PTRH1: variants seen among roughly 807,000 people sequenced by gnomAD.
The protein encoded by PTRH1 is peptidyl-tRNA hydrolase.
Under a neutral mutation model 15.7 loss-of-function variants are expected in PTRH1, and 13 were observed. The observed-to-expected ratio is 0.83, with a 90% CI of 0.54 to 1.31. PTRH1 has a LOEUF of 1.31. PTRH1 is among the 40% of genes most tolerant of loss of function. The pLI is 0.00. For missense variants in PTRH1, 319 were observed against 296.2 expected, an observed-to-expected ratio of 1.08 and a Z score of -0.56; for synonymous variants, 139 against 136.7, an observed-to-expected ratio of 1.02 and a Z score of -0.12.
At chr9:127,709,424 A>G, downstream of PTRH1, 1 of 1,612,912 alleles carries the variant, frequency 6.2e-7, no homozygotes. The surrounding 1 kb of genome is among the most constrained non-coding windows in gnomAD (Gnocchi z 4.7). Flanking sequence ...TGCCCCAGGT[A>G]CCAGCGGAAG....
chr9:127,709,566 C>A, downstream of PTRH1: 3 of 1,614,102 alleles, frequency 1.9e-6, no homozygotes, highest in Non-Finnish European at 2.5e-6. This position sits in a 1 kb window ranked among gnomAD's most constrained non-coding sequence, Gnocchi z 4.7. Context: ...CAGACCTCAA[C>A]GAGCAGCTCC....
At chr9:127,713,085 A>G (rs762756206), downstream of PTRH1, 6 of 1,613,576 alleles carry the variant, frequency 3.7e-6, no homozygotes, top group Non-Finnish European at 5.1e-6. Flanking sequence ...ATCACCCCCT[A>G]CCAGCCGGGG....
At chr9:127,710,391 T>A (rs1842737556), downstream of PTRH1, among the ~76,000 whole-genome samples, 1 of 151,856 alleles carries the variant, frequency 6.6e-6, no homozygotes, top group South Asian at 2.1e-4. Context: ...TTCATAAGAT[T>A]CATGGAGGGG....
rs1842911311 is a variant in PTRH1, at chr9:127,714,997, G to T, written c.294C>A (p.Asn98Lys). The change falls in exon 2 of 5, where the codon AAC becomes AAA. Residue 98 changes from asparagine (N) to lysine (K), a missense_variant. Asn to Lys is a moderately conservative substitution (Grantham distance 94, BLOSUM62 0). Transcript: ENST00000543175. The part of the protein sequence containing the change: ...LLRPRRLMNA[N>K]GRSVARAAEL... ...CACCAGCCCGGGCCACGCTGCGCCC[G>T]TTGGCGTTCATAAGCCGCCGTGGCC... The T allele has an allele frequency of 8.4e-7, 1 of 1,185,466 alleles. No homozygotes were observed. 73.4% of individuals were successfully genotyped at this position (1,185,466 alleles called of 1,614,324 possible). A position where few individuals can be genotyped will look rare whatever the true frequency, so the allele number is the denominator to read the frequency against.
chr9:127,711,116 G>C, downstream of PTRH1: 1 of 1,342,988 alleles, frequency 7.4e-7, no homozygotes, highest in South Asian at 1.5e-5. Flanking sequence ...CTCCCAGGGA[G>C]AGAGCATGCT....
Position 127,715,103 on chromosome 9 carries a change from GCC to G in PTRH1, c.186_187del (p.Ala63GlyfsTer58). ...GTGCCGGTCGCGCGTCCAACTCTCC[GCC>G]ACACCCAGCCGCCGCGCCAGCTGCC... On this transcript the variant is annotated frameshift_variant, in exon 2 of 5. Transcript: ENST00000543175. LOFTEE classifies it high-confidence loss of function. The surrounding 1 kb of genome is among the most constrained non-coding windows in gnomAD (Gnocchi z 5.8). The G allele has an allele frequency of 6.5e-7, 1 of 1,533,458 alleles. No individual in the cohort carries two copies. The highest frequency in any genetic ancestry group is 8.7e-7 in the Non-Finnish European group (1 of 1,145,784). The allele number at this position is 1,533,458 out of a possible 1,614,324, so 95.0% of individuals were successfully genotyped here.
At chr9:127,709,190 A>G (rs1230150689), downstream of PTRH1, among the ~76,000 whole-genome samples, 1 of 152,248 alleles carries the variant, frequency 6.6e-6, no homozygotes, top group East Asian at 1.9e-4. The surrounding 1 kb of genome is among the most constrained non-coding windows in gnomAD (Gnocchi z 4.7). Flanking sequence ...CCCTGCCCTC[A>G]TGGAGTTTAC....
At chr9:127,711,318 G>A (rs376647619), downstream of PTRH1, 69 of 1,614,068 alleles carry the variant, frequency 4.3e-5, 1 homozygote, top group Middle Eastern at 8.2e-4. Flanking sequence ...ACAACCAAGC[G>A]GGCCATCAAA....
rs1467195843 is a variant in PTRH1, at chr9:127,705,012, T to G, written c.206-9871A>C. Among the ~76,000 whole-genome samples the G allele has an allele frequency of 6.6e-6, 1 of 152,002 alleles. No individual in the cohort carries two copies. Among genetic ancestry groups the G allele is most frequent in the African/African-American group, 2.4e-5 (1 of 41,376 alleles). On this transcript the variant is annotated intron_variant, in intron 1 of 2. Coordinates refer to the PTRH1 transcript ENST00000335223. This position sits in a 1 kb window ranked among gnomAD's most constrained non-coding sequence, Gnocchi z 4.7. The stretch of plus-strand genomic sequence containing the variant: ...ATCCTCCCACCTTGGCCTCTCAAAG[T>G]GCTGGGATTATAGGCATGAACCAGT...
downstream of PTRH1, chr9:127,711,991 T>C: frequency 6.3e-7 from 1 of 1,578,292 alleles, no homozygotes; most frequent in Non-Finnish European, 8.6e-7. Flanking sequence ...GGGTGCAGGC[T>C]GGGGCCAAGC....
rs57076743 is a variant in PTRH1 at position 127,695,053 on chromosome 9, TTGATGA to T, written c.288_293del (p.His96_His97del). 2.3e-3 allele frequency: 1,563 copies of T among 671,734 alleles called. 15 individuals carry two copies. The highest frequency in any genetic ancestry group is 0.02 in the African/African-American group (1,091 of 54,878). The allele number at this position is 671,734 out of a possible 1,614,324, so 41.6% of individuals were successfully genotyped here. A position where few individuals can be genotyped will look rare whatever the true frequency, so the allele number is the denominator to read the frequency against. On this transcript the variant is annotated inframe_deletion, in exon 2 of 3. Transcript: ENST00000335223. ...AGGAAGCACAGTGAGGGCTCAGCCATTGATGATGATGATGATGATGATGATGATGAT... is the reference window on the plus strand; with the variant it reads ...AGGAAGCACAGTGAGGGCTCAGCCATTGATGATGATGATGATGATGATGAT...
chr9:127,703,140 T>C (rs1365298700), intron 1 of PTRH1, among the ~76,000 whole-genome samples: 1 of 151,906 alleles, frequency 6.6e-6, no homozygotes, highest in Non-Finnish European at 1.5e-5. Context: ...TATTGCCCAA[T>C]TCTAGAATAA....
rs1842561099 is a variant in PTRH1, at chr9:127,696,511, G to A, written c.206-1370C>T. ...GGCTAGGGCCCTCCAGTTAGTACGT[G>A]GCAGAGACTAGATTTAAACACAGCC... is the stretch of plus-strand genomic sequence containing the variant. On this transcript the variant is annotated intron_variant, in intron 1 of 2. Coordinates refer to the PTRH1 transcript ENST00000335223. Among the ~76,000 whole-genome samples the A allele has an allele frequency of 3.3e-5, 5 of 152,112 alleles. No individual in the cohort carries two copies. The South Asian group carries it at 1.0e-3, about 32-fold the overall frequency.
intron 1 of PTRH1, chr9:127,707,158 A>G: frequency 6.2e-7 from 1 of 1,613,476 alleles, no homozygotes; most frequent in Non-Finnish European, 8.5e-7. Context: ...GTTCTACCAC[A>G]TCCAGATCCG....
Position 127,715,616 on chromosome 9 carries a change from G to A in PTRH1, c.24C>T (p.Gly8=), listed in dbSNP as rs780239843. The A allele has an allele frequency of 2.5e-6, 4 of 1,612,524 alleles. No homozygotes were observed. Among genetic ancestry groups the A allele is most frequent in the African/African-American group, 2.7e-5 (2 of 74,932 alleles). ...TGGCTCTACTCAGCCGCTGTCCGGCGCCCAAAAAGCCGCCCGGCCTCATGC... is the reference window on the plus strand; with the variant it reads ...TGGCTCTACTCAGCCGCTGTCCGGCACCCAAAAAGCCGCCCGGCCTCATGC... MRPGGFL[G]AGQRLSRAMS... is the part of the protein sequence containing the mutation. Residue 8 remains glycine, a synonymous_variant, in exon 1 of 5, where the codon GGC becomes GGT. Coordinates refer to ENST00000543175, the MANE Select transcript of PTRH1 (RefSeq NM_001002913.3). This position sits in a 1 kb window ranked among gnomAD's most constrained non-coding sequence, Gnocchi z 5.8.
At chr9:127,702,179 C>T (rs1269502775) in intron 1 of PTRH1, among the ~76,000 whole-genome samples, 1 of 152,074 alleles carries the variant, frequency 6.6e-6, no homozygotes, top group Non-Finnish European at 1.5e-5. Flanking sequence ...CAAGACCATC[C>T]TGGCTAACAC....
intron 1 of PTRH1, among the ~76,000 whole-genome samples, chr9:127,706,747 A>G (rs927463138): frequency 3.9e-5 from 6 of 152,196 alleles, no homozygotes; most frequent in Non-Finnish European, 7.3e-5. Context: ...AACTTTCCCC[A>G]TGGCGCTTAT....
At chr9:127,709,267 C>G (rs1842709932), downstream of PTRH1, among the ~76,000 whole-genome samples, 1 of 152,150 alleles carries the variant, frequency 6.6e-6, no homozygotes, top group African/African-American at 2.4e-5. This position sits in a 1 kb window ranked among gnomAD's most constrained non-coding sequence, Gnocchi z 4.7. Context: ...ACTGTCGGAC[C>G]AAGGGGCATA....
rs1284618710 is a variant in PTRH1, at chr9:127,715,570, G to A, written c.70C>T (p.Pro24Ser). ...ATCCACCGCTTCCCCGGGGGGCGAG[G>A]CTCCAAAACACATCGGCTCATGGCT... is the stretch of plus-strand genomic sequence containing the variant. ...SRAMSRCVLE[P>S]RPPGKRWMVA... Residue 24 changes from proline to serine, a missense_variant, in exon 1 of 5, where the codon CCT becomes TCT. Transcript: ENST00000543175. The surrounding 1 kb of genome is among the most constrained non-coding windows in gnomAD (Gnocchi z 5.8). 2.5e-6 allele frequency: 4 copies of A among 1,613,518 alleles called. No homozygotes were observed. The highest frequency in any genetic ancestry group is 3.3e-5 in the Admixed American group (2 of 60,026).
Sources: allele counts gnomAD v4.1 joint callset (sites outside exome capture counted in the v4.1 genomes callset), GRCh38; gene constraint gnomAD v4.1.1; non-coding constraint Gnocchi (gnomAD v3.1); transcripts MANE v1.5; gene names NCBI Gene and HGNC (gene_info 2026-07-23, HGNC 2026-07-21).